The following GPC6 variants were observed in gnomAD, a reference collection of about 807,000 sequenced individuals.
The protein encoded by GPC6 is glypican 6, also known as glypican-6.
Under a neutral mutation model 55.2 loss-of-function variants are expected in GPC6, and 14 were observed. The observed-to-expected ratio is 0.25, with a 90% CI of 0.17 to 0.40. The LOEUF is 0.40. Among genes scored for constraint, GPC6 ranks in the 10% least tolerant of loss-of-function variants. GPC6 has a pLI of 1.00. For missense variants in GPC6, 641 were observed against 708.5 expected (o/e 0.90, Z 1.08); for synonymous variants, 278 against 259.6 (o/e 1.07, Z -0.68).
intron 2 of GPC6, among the ~76,000 whole-genome samples, chr13:93,731,894 A>G (rs1272658970): frequency 6.6e-6 from 1 of 152,308 alleles, no homozygotes; most frequent in South Asian, 2.1e-4. Context: ...GACAGTATAT[A>G]TATGTAATAA....
intron 5 of GPC6, among the ~76,000 whole-genome samples, chr13:94,304,051 G>GA (rs749450312): frequency 5.9e-5 from 9 of 152,184 alleles, no homozygotes; most frequent in Non-Finnish European, 1.2e-4. Context: ...ACACTCAACA[G>GA]ATCCCTGGAG....
chr13:93,854,192 T>C (rs1888518853), intron 3 of GPC6, among the ~76,000 whole-genome samples: 1 of 151,706 alleles, frequency 6.6e-6, no homozygotes, highest in Non-Finnish European at 1.5e-5. Flanking sequence ...GAGATTTTCC[T>C]GATGATATTC....
At chr13:93,277,589 C>T (rs1235994262) in intron 1 of GPC6, among the ~76,000 whole-genome samples, 1 of 152,168 alleles carries the variant, frequency 6.6e-6, no homozygotes, top group East Asian at 1.9e-4. Context: ...ATTTGAAATG[C>T]TCAGAGATTT....
chr13:93,552,498 C>T (rs1053072900), intron 2 of GPC6, among the ~76,000 whole-genome samples: 1 of 151,980 alleles, frequency 6.6e-6, no homozygotes, highest in Non-Finnish European at 1.5e-5. Context: ...CTCTCTCTCT[C>T]TCTCTTTCTT....
chr13:93,592,350 A>T (rs1877526946), intron 2 of GPC6, among the ~76,000 whole-genome samples: 1 of 93,962 alleles, frequency 1.1e-5, no homozygotes, highest in African/African-American at 2.7e-5. Flanking sequence ...ATGCCTGGCT[A>T]TATATGTAAA....
intron 1 of GPC6, among the ~76,000 whole-genome samples, chr13:93,485,918 G>C (rs1048410389): frequency 6.6e-6 from 1 of 152,112 alleles, no homozygotes; most frequent in African/African-American, 2.4e-5. Flanking sequence ...ATATCAGCAA[G>C]ATCATTATCT....
chr13:93,818,031 A>G (rs917946430), intron 2 of GPC6, among the ~76,000 whole-genome samples: 1 of 147,524 alleles, frequency 6.8e-6, no homozygotes, highest in South Asian at 2.1e-4. Context: ...TTATAGATGT[A>G]TTTAATTATA....
At chr13:93,790,323 A>C (rs963404005) in intron 2 of GPC6, among the ~76,000 whole-genome samples, 3 of 152,156 alleles carry the variant, frequency 2.0e-5, no homozygotes, top group African/African-American at 7.2e-5. Context: ...ATAGGGCATA[A>C]AATTCTTGGT....
chr13:94,303,788 C>T (rs1410753212), intron 5 of GPC6, among the ~76,000 whole-genome samples: 3 of 148,438 alleles, frequency 2.0e-5, no homozygotes, highest in Admixed American at 2.0e-4. Flanking sequence ...AAAAAAAATT[C>T]CAGCAAACGT....
chr13:94,210,953 C>T (rs184382921), intron 4 of GPC6, among the ~76,000 whole-genome samples: 2 of 152,190 alleles, frequency 1.3e-5, no homozygotes, highest in African/African-American at 2.4e-5. Context: ...AATCAGAAAC[C>T]GTCGCAGTTA....
intron 2 of GPC6, among the ~76,000 whole-genome samples, chr13:93,782,441 A>G (rs896118772): frequency 2.0e-5 from 3 of 152,114 alleles, no homozygotes; most frequent in African/African-American, 7.2e-5. Context: ...TTCTTTGGAT[A>G]TTTATCCAAT....
chr13:94,043,018 T>C (rs1370894283), intron 4 of GPC6, among the ~76,000 whole-genome samples: 1 of 151,898 alleles, frequency 6.6e-6, no homozygotes, highest in Admixed American at 6.6e-5. Context: ...GTTGCTCAAA[T>C]TGTTCCAGGT....
chr13:94,212,728 T>G (rs769637955), intron 4 of GPC6, among the ~76,000 whole-genome samples: 101 of 152,304 alleles, frequency 6.6e-4, no homozygotes, highest in South Asian at 1.2e-3. Context: ...TAACACACTT[T>G]GAGGAAACAT....
chr13:94,241,045 G>A (rs1891040509), intron 4 of GPC6, among the ~76,000 whole-genome samples: 1 of 152,156 alleles, frequency 6.6e-6, no homozygotes, highest in Admixed American at 6.5e-5. Flanking sequence ...TTAGAAGGTG[G>A]AGCTTTTGAG....
At chr13:93,436,299 C>T (rs923177052) in intron 1 of GPC6, among the ~76,000 whole-genome samples, 5 of 152,054 alleles carry the variant, frequency 3.3e-5, no homozygotes, top group African/African-American at 1.2e-4. Flanking sequence ...AAAAACAAGT[C>T]TTTCCAATGT....
At chr13:93,683,526 C>T (rs371559952) in intron 2 of GPC6, among the ~76,000 whole-genome samples, 17 of 152,156 alleles carry the variant, frequency 1.1e-4, no homozygotes, top group South Asian at 2.1e-4. Context: ...TAAAACAGTA[C>T]GTTAGCCATC....
intron 1 of GPC6, among the ~76,000 whole-genome samples, chr13:93,475,724 A>G (rs1184480919): frequency 2.0e-5 from 3 of 152,228 alleles, no homozygotes; most frequent in Non-Finnish European, 4.4e-5. Flanking sequence ...CAGATAATAT[A>G]AAACGCCAGA....
chr13:93,987,556 A>G (rs966494855), intron 3 of GPC6, among the ~76,000 whole-genome samples: 3 of 152,232 alleles, frequency 2.0e-5, no homozygotes, highest in Admixed American at 2.0e-4. Context: ...TTCTTTCTAC[A>G]GATATTTCCT....
At chr13:93,295,363 G>A (rs1023171469) in intron 1 of GPC6, among the ~76,000 whole-genome samples, 37 of 151,184 alleles carry the variant, frequency 2.4e-4, no homozygotes, top group Non-Finnish European at 1.2e-4. Context: ...TAGACTAGGT[G>A]GCTTAAACAA....
Sources: gnomAD v4.1 joint callset for allele counts (sites outside exome capture counted in the v4.1 genomes callset) on GRCh38, gnomAD v4.1.1 for gene constraint, MANE v1.5 for transcripts, NCBI Gene and HGNC (gene_info 2026-07-23, HGNC 2026-07-21) for gene names.